RSF1: variants seen among roughly 807,000 people sequenced by gnomAD.
The protein encoded by RSF1 is HBV pX-associated protein 8.
Under a neutral mutation model 145.2 loss-of-function variants are expected in RSF1, and 13 were observed. That is an observed-to-expected ratio of 0.09 (90% CI 0.06 to 0.14). The LOEUF (loss-of-function observed/expected upper bound fraction) is 0.14, where lower values mean the gene tolerates loss of function less well. Ranked by LOEUF, RSF1 falls within the 10% of genes least tolerant of loss-of-function variation. RSF1 has a pLI of 1.00. For synonymous variants in RSF1, 577 were observed against 592.6 expected (o/e 0.97, Z 0.38); for missense variants, 1,517 against 1,718.2 (o/e 0.88, Z 2.07).
At chr11:77,770,169 A>G (rs1948267730) in intron 1 of RSF1, among the ~76,000 whole-genome samples, 1 of 152,236 alleles carries the variant, frequency 6.6e-6, no homozygotes, top group Non-Finnish European at 1.5e-5. Flanking sequence ...CTAAAAAGGT[A>G]TAGTACAGAG....
chr11:77,711,877 T>A (rs909304367), intron 5 of RSF1, among the ~76,000 whole-genome samples: 3 of 152,186 alleles, frequency 2.0e-5, no homozygotes, highest in Non-Finnish European at 1.5e-5. Context: ...ATTCTTTTTT[T>A]CCTTGGTCTC....
At chr11:77,836,766 G>A in the RSF1 span, among the ~76,000 whole-genome samples, 1 of 152,190 alleles carries the variant, frequency 6.6e-6, no homozygotes, top group Non-Finnish European at 1.5e-5. Context: ...GGGAGTTCGA[G>A]ACCAGCCTGA....
At chr11:77,771,856 C>T (rs1363915242) in intron 1 of RSF1, among the ~76,000 whole-genome samples, 4 of 152,126 alleles carry the variant, frequency 2.6e-5, no homozygotes, top group Admixed American at 2.0e-4. Flanking sequence ...GAAGACATCG[C>T]AATACTTCAG....
intron 2 of RSF1, chr11:77,762,331 T>A (rs1948184439): frequency 6.6e-6 from 1 of 152,136 alleles, no homozygotes; most frequent in African/African-American, 2.4e-5. Context: ...CCTAGACACC[T>A]CTCTCTCTTT....
intron 1 of RSF1, among the ~76,000 whole-genome samples, chr11:77,787,936 C>G (rs1009293019): frequency 3.3e-5 from 5 of 150,608 alleles, no homozygotes; most frequent in African/African-American, 1.2e-4. Context: ...TGAGACGAGT[C>G]TGGGCAACAC....
the RSF1 span, among the ~76,000 whole-genome samples, chr11:77,840,606 C>T: frequency 1.3e-5 from 2 of 151,934 alleles, no homozygotes; most frequent in Non-Finnish European, 2.9e-5. Context: ...ACTGGGTATC[C>T]CTATGTTACC....
chr11:77,670,116 TCAAAAA>T (rs1048612739), intron 15 of RSF1, among the ~76,000 whole-genome samples: 9 of 152,150 alleles, frequency 5.9e-5, no homozygotes, highest in African/African-American at 1.9e-4. Context: ...AGACCCTGTC[TCAAAAA>T]CAAAAACAAA....
the RSF1 span, chr11:77,872,180 T>C: frequency 1.9e-6 from 3 of 1,612,608 alleles, no homozygotes; most frequent in Admixed American, 5.0e-5. Flanking sequence ...CCCAGGTGCC[T>C]TCATCAACTG....
At chr11:77,827,689 C>T in the RSF1 span, among the ~76,000 whole-genome samples, 2 of 152,182 alleles carry the variant, frequency 1.3e-5, no homozygotes, top group Non-Finnish European at 2.9e-5. Context: ...AAACTAATTC[C>T]TCCCTCCTAA....
chr11:77,870,451 C>G, the RSF1 span, among the ~76,000 whole-genome samples: 1 of 145,826 alleles, frequency 6.9e-6, no homozygotes, highest in African/African-American at 2.6e-5. Flanking sequence ...ATTCTCCTGT[C>G]TCAGCCTCCC....
Position 77,701,024 on chromosome 11 carries a change from T to C in RSF1, c.2205A>G (p.Leu735=). 1 of 1,613,798 alleles carries C rather than the reference T, an allele frequency of 6.2e-7. No homozygotes were observed. Among genetic ancestry groups the C allele is most frequent in the Middle Eastern group, 1.6e-4 (1 of 6,062 alleles). Residue 735 remains leucine, a synonymous_variant, in exon 6 of 16, where the codon TTA becomes TTG. Coordinates refer to ENST00000308488, the MANE Select transcript of RSF1 (RefSeq NM_016578.4). ...TSERQKEGIK[L]TIRISSRKKK... ...TTTTCCGACTTGATATCCTGATTGTTAATTTGATGCCCTCTTTCTGCCTTT... is the reference window on the plus strand; with the variant it reads ...TTTTCCGACTTGATATCCTGATTGTCAATTTGATGCCCTCTTTCTGCCTTT...
rs398045289 is a variant in RSF1 at position 77,729,895 on chromosome 11, C to CAAAAAAAAAAAAA, written c.579-4209_579-4197dup. On this transcript the variant is annotated intron_variant, in intron 4 of 15. Transcript: ENST00000308488. ...TATAAATGCCAAATTATTCAGTAGG[C>CAAAAAAAAAAAAA]AAAAAAAAAAAAAAAAAAAAAAAAA... 7.2e-3 allele frequency among the ~76,000 whole-genome samples: 350 copies of CAAAAAAAAAAAAA among 48,910 alleles called. 54 individuals are homozygous for CAAAAAAAAAAAAA. The highest frequency in any genetic ancestry group is 0.058 in the Middle Eastern group (3 of 52). The allele number at this position is 48,910 out of a possible 152,430, so 32.1% of individuals were successfully genotyped here.
At chr11:77,766,724 T>C (rs1948230051) in intron 1 of RSF1, among the ~76,000 whole-genome samples, 1 of 152,230 alleles carries the variant, frequency 6.6e-6, no homozygotes, top group African/African-American at 2.4e-5. Flanking sequence ...CTCAGAAGTT[T>C]AGATTTTATG....
At chr11:77,828,560 ACT>A in the RSF1 span, among the ~76,000 whole-genome samples, 14 of 151,086 alleles carry the variant, frequency 9.3e-5, no homozygotes, top group Admixed American at 8.6e-4. Flanking sequence ...AGTCCCAGCT[ACT>A]CGGGAGGCTG....
intron 14 of RSF1, among the ~76,000 whole-genome samples, chr11:77,672,879 C>T (rs1176248621): frequency 3.3e-5 from 5 of 152,136 alleles, no homozygotes; most frequent in African/African-American, 4.8e-5. Context: ...GATGGGGTTT[C>T]GCCATGTTGG....
intron 4 of RSF1, among the ~76,000 whole-genome samples, chr11:77,738,446 G>A (rs1266877622): frequency 6.6e-6 from 1 of 152,158 alleles, no homozygotes; most frequent in Non-Finnish European, 1.5e-5. Context: ...AGTATTATAA[G>A]TATATGGGAG....
chr11:77,785,791 C>T (rs11823751), intron 1 of RSF1, among the ~76,000 whole-genome samples: 26,307 of 140,890 alleles, frequency 0.19, 2,922 homozygotes, highest in African/African-American at 0.31. Flanking sequence ...CCTGGCATGG[C>T]GGCGGGCACC....
rs1286243034 is a variant in RSF1 at position 77,706,240 on chromosome 11, C to CAAA, written c.734-3748_734-3746dup. ...TGGCGACAGAGTGAGACTCTGTCTC[C>CAAA]AAAAAAAAAAAAAAAAAAAATTAAG... On this transcript the variant is annotated intron_variant, in intron 5 of 15. Coordinates refer to ENST00000308488, the MANE Select transcript of RSF1 (RefSeq NM_016578.4). Among the ~76,000 whole-genome samples, 4 of 61,046 alleles carry CAAA rather than the reference C, an allele frequency of 6.6e-5. 1 individual carries two copies. The highest frequency in any genetic ancestry group is 1.8e-4 in the Admixed American group (1 of 5,450). The allele number at this position is 61,046 out of a possible 152,430, so 40.0% of individuals were successfully genotyped here. A position where few individuals can be genotyped will look rare whatever the true frequency, so the allele number is the denominator to read the frequency against.
chr11:77,852,224 C>CAAAAAAAAAAAAA, the RSF1 span, among the ~76,000 whole-genome samples: 20 of 33,498 alleles, frequency 6.0e-4, 5 homozygotes, highest in Non-Finnish European at 9.2e-4. Flanking sequence ...GACACTGTCT[C>CAAAAAAAAAAAAA]AAAAAAAAAA....
Sources: allele counts gnomAD v4.1 joint callset (sites outside exome capture counted in the v4.1 genomes callset), GRCh38; gene constraint gnomAD v4.1.1; transcripts MANE v1.5; gene names NCBI Gene and HGNC (gene_info 2026-07-23, HGNC 2026-07-21).